Variants in PAQR5 observed in about 807,000 individuals in gnomAD.
PAQR5 encodes the protein membrane progestin receptor gamma.
A neutral mutation model predicts 34.5 loss-of-function variants in PAQR5; 20 were observed. That is an observed-to-expected ratio of 0.58 (90% CI 0.41 to 0.84). The LOEUF (loss-of-function observed/expected upper bound fraction) is 0.84. Among genes scored for constraint, PAQR5 ranks in the 40% least tolerant of loss-of-function variants. The probability of loss-of-function intolerance (pLI) is 0.00; values close to 1 mark genes in which losing one functional copy is unlikely to be tolerated. For synonymous variants in PAQR5, 131 were observed against 155.6 expected (o/e 0.84, Z 1.18); for missense variants, 378 against 412.7 (o/e 0.92, Z 0.73).
chr15:69,318,612 G>T (rs1595845139), intron 1 of PAQR5, among the ~76,000 whole-genome samples: 1 of 151,780 alleles, frequency 6.6e-6, no homozygotes, highest in East Asian at 2.0e-4. Context: ...TCTTCTTGGG[G>T]CACCTGCTTT....
At chr15:69,403,439 A>T in intron 8 of PAQR5, 142 bp from the exon 9 acceptor site, 1 of 748,016 alleles carries the variant, frequency 1.3e-6, no homozygotes, top group Non-Finnish European at 2.1e-6. Flanking sequence ...ATGGATTTGC[A>T]TATTCTGGAG....
intron 1 of PAQR5, among the ~76,000 whole-genome samples, chr15:69,322,249 A>G (rs2054114528): frequency 6.7e-6 from 1 of 149,854 alleles, no homozygotes; most frequent in African/African-American, 2.5e-5. Flanking sequence ...AGGCTGAGAC[A>G]GGCAGATCAC....
intron 1 of PAQR5, among the ~76,000 whole-genome samples, chr15:69,313,158 A>G (rs1007102394): frequency 6.6e-6 from 1 of 152,146 alleles, no homozygotes; most frequent in Non-Finnish European, 1.5e-5. Context: ...AGACCCTGTC[A>G]CGACTCCCTG....
intron 2 of PAQR5, among the ~76,000 whole-genome samples, chr15:69,358,362 C>A (rs1331446366): frequency 6.6e-6 from 1 of 152,118 alleles, no homozygotes; most frequent in Non-Finnish European, 1.5e-5. Flanking sequence ...TGTCTCAGGG[C>A]AACCAAGCTC....
At chr15:69,377,285 G>A (rs1043160885) in intron 3 of PAQR5, among the ~76,000 whole-genome samples, 3 of 152,188 alleles carry the variant, frequency 2.0e-5, no homozygotes, top group African/African-American at 4.8e-5. Flanking sequence ...AAGGCTTTCC[G>A]AGTCCTGCCA....
At chr15:69,349,277 G>A (rs1291332825) in intron 2 of PAQR5, among the ~76,000 whole-genome samples, 1 of 152,136 alleles carries the variant, frequency 6.6e-6, no homozygotes, top group Non-Finnish European at 1.5e-5. Context: ...ATTCTCCTCA[G>A]GACCCACACA....
At chr15:69,367,956 G>A (rs958989682) in intron 3 of PAQR5, among the ~76,000 whole-genome samples, 2 of 152,124 alleles carry the variant, frequency 1.3e-5, no homozygotes, top group Non-Finnish European at 2.9e-5. Flanking sequence ...ACTAGTGCCC[G>A]TTGGCCAAAA....
chr15:69,299,906 A>T (rs1461255966), intron 1 of PAQR5, among the ~76,000 whole-genome samples: 1 of 115,204 alleles, frequency 8.7e-6, no homozygotes, highest in Non-Finnish European at 2.2e-5. Flanking sequence ...GCAGCCAAAA[A>T]GGGACACATC....
At chr15:69,324,129 C>CAAA (rs55634756) in intron 1 of PAQR5, among the ~76,000 whole-genome samples, 42,958 of 134,784 alleles carry the variant, frequency 0.32, 6,946 homozygotes, top group African/African-American at 0.45. Flanking sequence ...ATAGCTAGGG[C>CAAA]AAAAAAAAAA....
chr15:69,377,064 C>G (rs187660967), intron 3 of PAQR5, among the ~76,000 whole-genome samples: 2 of 152,178 alleles, frequency 1.3e-5, no homozygotes, highest in Non-Finnish European at 2.9e-5. Flanking sequence ...TCTCACTGGT[C>G]CCTTGTCACA....
chr15:69,337,673 A>C (rs1387401296), intron 2 of PAQR5, among the ~76,000 whole-genome samples, 172 bp downstream of exon 2: 2 of 152,246 alleles, frequency 1.3e-5, no homozygotes, highest in Admixed American at 6.5e-5. Flanking sequence ...GTTCTATCAA[A>C]GCCAATTTAA....
At chr15:69,299,999 AG>A (rs1479369649) in intron 1 of PAQR5, among the ~76,000 whole-genome samples, 7 of 152,192 alleles carry the variant, frequency 4.6e-5, no homozygotes, top group Non-Finnish European at 1.0e-4. Flanking sequence ...GGCCCAACAA[AG>A]CTCAGCCATT....
intron 2 of PAQR5, among the ~76,000 whole-genome samples, chr15:69,341,787 A>G (rs962605281): frequency 6.6e-6 from 1 of 152,030 alleles, no homozygotes; most frequent in Non-Finnish European, 1.5e-5. Context: ...TCTACAAAAA[A>G]TACAAAAATT....
chr15:69,336,522 C>T (rs2054518243), intron 1 of PAQR5, among the ~76,000 whole-genome samples: 1 of 152,106 alleles, frequency 6.6e-6, no homozygotes, highest in Admixed American at 6.6e-5. Context: ...TGGCTGTGTG[C>T]CACAGGTAAC....
rs71149903 is a variant in PAQR5, at chr15:69,301,859, ATTTTTTTTTTTTTTTTTTTTTTT to A, written c.-277+2818_-277+2840del. 9.1e-5 allele frequency among the ~76,000 whole-genome samples: 9 copies of A among 98,852 alleles called. No homozygotes were observed. The South Asian group carries it at 2.7e-3, about 30-fold the overall frequency. The allele number at this position is 98,852 out of a possible 152,430, so 64.9% of individuals were successfully genotyped here. A position where few individuals can be genotyped will look rare whatever the true frequency, so the allele number is the denominator to read the frequency against. ...GTGAATTCATAAGAAATGGGGGGAG[ATTTTTTTTTTTTTTTTTTTTTTT>A]TTTTTTTTTTTTTTAGCACAGTGTT... On this transcript the variant is annotated intron_variant, in intron 1 of 8. Coordinates refer to ENST00000395407, the MANE Select transcript of PAQR5 (RefSeq NM_017705.4).
intron 1 of PAQR5, among the ~76,000 whole-genome samples, chr15:69,324,472 G>A (rs1331546231): frequency 2.6e-5 from 4 of 152,206 alleles, no homozygotes; most frequent in South Asian, 2.1e-4. Flanking sequence ...CCTCATTCAA[G>A]TGATTAGAAA....
rs557639922 is a variant in PAQR5, at chr15:69,348,829, G to A, written c.-115-11137G>A. On this transcript the variant is annotated intron_variant, in intron 2 of 8. Transcript: ENST00000395407. ...ACTCAGTGAATACACTAGACAAAGG[G>A]TGATTCACAGGGATTCACTGCCCAG... Among the ~76,000 whole-genome samples the A allele has an allele frequency of 5.9e-5, 9 of 152,282 alleles. No individual in the cohort carries two copies. The East Asian group carries it at 1.7e-3, about 29-fold the overall frequency.
At chr15:69,375,922 T>C (rs2055693067) in intron 3 of PAQR5, among the ~76,000 whole-genome samples, 1 of 152,166 alleles carries the variant, frequency 6.6e-6, no homozygotes. Context: ...TGGTTTGCAG[T>C]TTAATAGCTA....
intron 1 of PAQR5, among the ~76,000 whole-genome samples, chr15:69,324,914 T>C (rs1041663534): frequency 8.7e-5 from 12 of 138,146 alleles, no homozygotes; most frequent in East Asian, 2.1e-4. Context: ...TTTTTTTTTT[T>C]CTGAGGTAGA....
Sources: gnomAD v4.1 joint callset for allele counts (sites outside exome capture counted in the v4.1 genomes callset) on GRCh38, gnomAD v4.1.1 for gene constraint, MANE v1.5 for transcripts, NCBI Gene and HGNC (gene_info 2026-07-23, HGNC 2026-07-21) for gene names.